Variants in SH3GL1 observed in about 807,000 individuals in gnomAD.
The protein encoded by SH3GL1 is endophilin-A2.
SH3GL1 carries 21 observed loss-of-function variants against 48.8 expected under a neutral mutation model. The ratio of observed to expected loss-of-function variants is 0.43; its 90% confidence interval spans 0.30 to 0.62. The LOEUF (loss-of-function observed/expected upper bound fraction) is 0.62. SH3GL1 is among the 20% of genes least tolerant of loss of function. The probability of loss-of-function intolerance (pLI) is 0.11; values close to 1 mark genes in which losing one functional copy is unlikely to be tolerated. For missense variants in SH3GL1, 454 were observed against 503.0 expected, an observed-to-expected ratio of 0.90 and a Z score of 0.93; for synonymous variants, 282 against 217.5, an observed-to-expected ratio of 1.30 and a Z score of -2.61.
chr19:4,369,428 C>T (rs944125177), intron 1 of SH3GL1, among the ~76,000 whole-genome samples: 10 of 152,238 alleles, frequency 6.6e-5, no homozygotes, highest in African/African-American at 2.4e-4. Flanking sequence ...TGGGCGGAGG[C>T]CACCCCGGCC....
intron 1 of SH3GL1, among the ~76,000 whole-genome samples, chr19:4,369,767 G>T (rs1972858536): frequency 6.6e-6 from 1 of 152,214 alleles, no homozygotes; most frequent in Non-Finnish European, 1.5e-5. Context: ...TAACTACCCG[G>T]GTCCCTCTGC....
At chr19:4,363,248 A>C in intron 7 of SH3GL1, 122 bp downstream of exon 7, 1 of 788,804 alleles carries the variant, frequency 1.3e-6, no homozygotes, top group Non-Finnish European at 2.1e-6. Flanking sequence ...CTCAGTCCCC[A>C]GGAAGAATCC....
At chr19:4,393,206 A>G (rs1397504748) in intron 1 of SH3GL1, among the ~76,000 whole-genome samples, 2 of 152,114 alleles carry the variant, frequency 1.3e-5, no homozygotes, top group African/African-American at 4.8e-5. Context: ...GGTTGCAGTG[A>G]GGTGAGATTG....
In SH3GL1 at chr19:4,363,619, G is replaced by A. The variant is rs559258515; in HGVS notation, c.624+101C>T. 4.4e-4 allele frequency: 661 copies of A among 1,516,578 alleles called. 1 individual carries two copies. In the African/African-American group the frequency reaches 6.7e-3, roughly 15 times the overall value. The allele number at this position is 1,516,578 out of a possible 1,614,324, so 93.9% of individuals were successfully genotyped here. A position where few individuals can be genotyped will look rare whatever the true frequency, so the allele number is the denominator to read the frequency against. On this transcript the variant is annotated intron_variant, in intron 6 of 9. Coordinates refer to ENST00000269886, the MANE Select transcript of SH3GL1 (RefSeq NM_003025.4). Reference sequence around the variant, plus strand: ...TACCCTCCACCTCCCCTGCTGCAGCGGCCAGGTAGGTGCCGATCTGTCCTC... The same window carrying A: ...TACCCTCCACCTCCCCTGCTGCAGCAGCCAGGTAGGTGCCGATCTGTCCTC...
chr19:4,378,216 G>A (rs755862588), intron 1 of SH3GL1, among the ~76,000 whole-genome samples: 2 of 152,168 alleles, frequency 1.3e-5, no homozygotes, highest in Non-Finnish European at 2.9e-5. Flanking sequence ...GAGCTCAGGT[G>A]TGCCAGTAAC....
In SH3GL1 at chr19:4,376,592, T is replaced by C. The variant is rs1450012762; in HGVS notation, c.46-9598A>G. On this transcript the variant is annotated intron_variant, in intron 1 of 9. Coordinates refer to ENST00000269886, the MANE Select transcript of SH3GL1 (RefSeq NM_003025.4). This position sits in a 1 kb window ranked among gnomAD's most constrained non-coding sequence, Gnocchi z 4.3. ...ACTGATGCCTCCTCTCTCGTGCGCC[T>C]GCCCCTTCACACTTCATCTTACACC... Among the ~76,000 whole-genome samples the C allele has an allele frequency of 6.6e-6, 1 of 152,046 alleles. No individual in the cohort carries two copies. The highest frequency in any genetic ancestry group is 1.5e-5 in the Non-Finnish European group (1 of 68,004).
intron 1 of SH3GL1, among the ~76,000 whole-genome samples, chr19:4,396,406 A>G (rs117887132): frequency 0.017 from 2,544 of 152,252 alleles, 34 homozygotes; most frequent in South Asian, 0.054. Flanking sequence ...TCTCAAAAAC[A>G]AACAAACAAA....
chr19:4,362,392 A>G lies in SH3GL1; in HGVS notation c.854-7T>C. ...GATCGGAAAGACGATGAAGCTAAAC[A>G]CAAGCAAAACGAGGAGGCTGTGGGC... is the stretch of plus-strand genomic sequence containing the variant. On this transcript the variant is annotated splice_region_variant and splice_polypyrimidine_tract_variant and intron_variant, in intron 8 of 9. Coordinates refer to ENST00000269886, the MANE Select transcript of SH3GL1 (RefSeq NM_003025.4). The G allele has an allele frequency of 6.2e-7, 1 of 1,609,544 alleles. No individual in the cohort carries two copies. Among genetic ancestry groups the G allele is most frequent in the Non-Finnish European group, 8.5e-7 (1 of 1,177,652 alleles).
At chr19:4,364,481 A>G in intron 4 of SH3GL1, 1 of 487,896 alleles carries the variant, frequency 2.0e-6, no homozygotes, top group African/African-American at 1.9e-5. Context: ...CCCAGGCTGC[A>G]GTGCAGTGGC....
At position 4,363,762 on chromosome 19, in the gene SH3GL1, C is replaced by T; in HGVS notation, c.582G>A (p.Lys194=). ...RQALEKFEES[K]EVAETSMHNL... ...TGTGCATGCTGGTTTCTGCCACCTC[C>T]TTGGACTCCTCGAACTTCTCCAGCG... Residue 194 remains lysine (K), a synonymous_variant, in exon 6 of 10, where the codon AAG becomes AAA. Coordinates refer to ENST00000269886, the MANE Select transcript of SH3GL1 (RefSeq NM_003025.4). 1.9e-6 allele frequency: 3 copies of T among 1,613,872 alleles called. No individual in the cohort carries two copies. Among genetic ancestry groups the T allele is most frequent in the East Asian group, 2.2e-5 (1 of 44,880 alleles).
At chr19:4,369,933 G>C (rs1158442013) in intron 1 of SH3GL1, among the ~76,000 whole-genome samples, 7 of 152,374 alleles carry the variant, frequency 4.6e-5, no homozygotes, top group African/African-American at 1.4e-4. Flanking sequence ...AGGGAAACAC[G>C]GGAAAAGCAA....
chr19:4,364,265 C>T (rs765159755), intron 4 of SH3GL1, 44 bp from the exon 5 acceptor site: 4 of 1,612,378 alleles, frequency 2.5e-6, no homozygotes, highest in Non-Finnish European at 3.4e-6. Flanking sequence ...GGGCCTGGGA[C>T]CACTAGACTG....
rs528448288 is a variant in SH3GL1 at position 4,395,016 on chromosome 19, G to A, written c.45+5308C>T. On this transcript the variant is annotated intron_variant, in intron 1 of 9. Transcript: ENST00000269886. ...TCCCCGGCTGACAGCGCTGATGGGC[G>A]CGTGCCCCTCCTTCAGGAGCCCCGA... 6.6e-5 allele frequency among the ~76,000 whole-genome samples: 10 copies of A among 152,398 alleles called. No homozygotes were observed. The East Asian group carries it at 7.7e-4, about 12-fold the overall frequency.
chr19:4,363,911 A>T, intron 5 of SH3GL1, 33 bp from the exon 6 acceptor site: 1 of 1,611,450 alleles, frequency 6.2e-7, no homozygotes, highest in East Asian at 2.2e-5. Flanking sequence ...TCACACCAGT[A>T]GCGGCCAGAG....
At position 4,364,112 on chromosome 19, in the gene SH3GL1, G is replaced by A. The variant is rs763024505; in HGVS notation, c.441C>T (p.Cys147=). 2.0e-5 allele frequency: 33 copies of A among 1,613,190 alleles called. No homozygotes were observed. Among genetic ancestry groups the A allele is most frequent in the East Asian group, 1.8e-4 (8 of 44,884 alleles). ...CCTGGATCTCCTTCAGGTCTTTCTC[G>A]CACAGGTTCTGGAGGGGGTCAATGA... The part of the protein sequence containing the change: ...QNFIDPLQNL[C]EKDLKEIQHH... The change falls in exon 5 of 10, where the codon TGC becomes TGT. Residue 147 remains cysteine, a synonymous_variant. Coordinates refer to ENST00000269886, the MANE Select transcript of SH3GL1 (RefSeq NM_003025.4).
intron 1 of SH3GL1, among the ~76,000 whole-genome samples, chr19:4,374,795 C>A (rs1972973428): frequency 2.0e-5 from 3 of 152,172 alleles, no homozygotes; most frequent in African/African-American, 4.8e-5. Context: ...GAAACGCATG[C>A]CGAGGACGCA....
At chr19:4,378,713 C>CA (rs1247340632) in intron 1 of SH3GL1, among the ~76,000 whole-genome samples, 2 of 151,926 alleles carry the variant, frequency 1.3e-5, no homozygotes, top group East Asian at 1.9e-4. Context: ...AAAACTCTCT[C>CA]AAAAAATAAA....
rs200941071 is a variant in SH3GL1 at position 4,400,392 on chromosome 19, C to A, written c.-24G>T. On this transcript the variant is annotated 5_prime_UTR_variant, in exon 1 of 10. Transcript: ENST00000269886. This position sits in a 1 kb window ranked among gnomAD's most constrained non-coding sequence, Gnocchi z 4.1. ...ATGCTGCCGCCCGCCGCCGAGCCTC[C>A]CGCCCGGACCGCGCCAGCGACAGGC... 2.7e-4 allele frequency: 422 copies of A among 1,572,440 alleles called. 3 individuals are homozygous for A. The East Asian group carries it at 9.9e-3, about 37-fold the overall frequency.
intron 7 of SH3GL1, among the ~76,000 whole-genome samples, chr19:4,363,059 G>A (rs1972667992): frequency 6.6e-6 from 1 of 152,174 alleles, no homozygotes; most frequent in African/African-American, 2.4e-5. Flanking sequence ...ATACGCCAAG[G>A]CCCCTGAAGC....
Sources: allele counts gnomAD v4.1 joint callset (sites outside exome capture counted in the v4.1 genomes callset), GRCh38; gene constraint gnomAD v4.1.1; non-coding constraint Gnocchi (gnomAD v3.1); transcripts MANE v1.5; gene names NCBI Gene and HGNC (gene_info 2026-07-23, HGNC 2026-07-21).